The following MYO3B variants were observed in gnomAD, a reference collection of about 807,000 sequenced individuals.
MYO3B encodes myosin-IIIb.
A neutral mutation model predicts 174.6 loss-of-function variants in MYO3B; 156 were observed. That is an observed-to-expected ratio of 0.89 (90% CI 0.78 to 1.02). The LOEUF (loss-of-function observed/expected upper bound fraction) is 1.02, where lower values mean the gene tolerates loss of function less well. MYO3B is among the 50% of genes least tolerant of loss of function. MYO3B has a pLI of 0.00. For missense variants in MYO3B, 1,632 were observed against 1,639.4 expected, an observed-to-expected ratio of 1.00 and a Z score of 0.08; for synonymous variants, 563 against 569.1, an observed-to-expected ratio of 0.99 and a Z score of 0.15.
intron 32 of MYO3B, among the ~76,000 whole-genome samples, chr2:170,565,682 C>T (rs192038521): frequency 1.8e-4 from 27 of 152,204 alleles, no homozygotes; most frequent in Non-Finnish European, 2.9e-5. Flanking sequence ...TTCTGTTTGT[C>T]TTTTTTTATA....
intron 18 of MYO3B, among the ~76,000 whole-genome samples, chr2:170,402,301 C>T (rs1174644724): frequency 2.0e-5 from 3 of 152,130 alleles, no homozygotes; most frequent in Non-Finnish European, 2.9e-5. Flanking sequence ...AGTTTTCTCA[C>T]CTGTAAAATG....
intron 17 of MYO3B, among the ~76,000 whole-genome samples, chr2:170,400,973 A>C (rs533911550): frequency 1.6e-4 from 25 of 152,222 alleles, no homozygotes; most frequent in African/African-American, 5.8e-4. Flanking sequence ...AAGATACAGG[A>C]GGTTGGGCCC....
chr2:170,455,110 T>C (rs1299854665), intron 23 of MYO3B, among the ~76,000 whole-genome samples: 2 of 152,192 alleles, frequency 1.3e-5, no homozygotes, highest in Non-Finnish European at 2.9e-5. Context: ...AAATTTAGAA[T>C]CTTGCAGTCT....
intron 7 of MYO3B, among the ~76,000 whole-genome samples, chr2:170,239,855 A>T (rs926551957): frequency 2.6e-5 from 4 of 152,186 alleles, no homozygotes; most frequent in African/African-American, 9.6e-5. Context: ...AGCAACAGAC[A>T]TTTATTCTCT....
chr2:170,494,224 G>A (rs555714970), intron 25 of MYO3B, among the ~76,000 whole-genome samples: 4 of 151,448 alleles, frequency 2.6e-5, no homozygotes, highest in African/African-American at 9.8e-5. Context: ...TGCTTTGCCT[G>A]TTACATTTAA....
intron 25 of MYO3B, among the ~76,000 whole-genome samples, chr2:170,470,429 C>T (rs991535817): frequency 1.3e-5 from 2 of 151,968 alleles, no homozygotes; most frequent in South Asian, 2.1e-4. Context: ...GTACTATGTA[C>T]CAGTATGTTA....
intron 23 of MYO3B, among the ~76,000 whole-genome samples, chr2:170,454,304 T>C (rs1683784030): frequency 6.6e-6 from 1 of 152,128 alleles, no homozygotes; most frequent in Non-Finnish European, 1.5e-5. Flanking sequence ...GAGGAGGTGT[T>C]GGCAGCTCCT....
In MYO3B at chr2:170,594,349, G is replaced by A. The variant is rs531742221; in HGVS notation, c.3733+50361G>A. Reference sequence around the variant, plus strand: ...ATGGCGAAGCTAGGGAGAAGAGAGCGGAGATGAGAGATGAGGAGAGGAGAG... The same window carrying A: ...ATGGCGAAGCTAGGGAGAAGAGAGCAGAGATGAGAGATGAGGAGAGGAGAG... On this transcript the variant is annotated intron_variant, in intron 32 of 34. Transcript: ENST00000408978. 6.6e-5 allele frequency among the ~76,000 whole-genome samples: 10 copies of A among 152,258 alleles called. No individual in the cohort carries two copies. In the South Asian group the frequency reaches 1.5e-3, roughly 22 times the overall value.
chr2:170,420,666 C>T (rs1478543130), intron 22 of MYO3B, among the ~76,000 whole-genome samples: 1 of 152,194 alleles, frequency 6.6e-6, no homozygotes. Flanking sequence ...CAATTCAGCA[C>T]ATTGGTCTAG....
intron 30 of MYO3B, among the ~76,000 whole-genome samples, chr2:170,528,459 G>A (rs1434505352): frequency 6.6e-6 from 1 of 152,140 alleles, no homozygotes; most frequent in Non-Finnish European, 1.5e-5. Flanking sequence ...AGACCGGAGT[G>A]CAGTGGCGCA....
chr2:170,459,688 C>G (rs895263199), intron 23 of MYO3B, among the ~76,000 whole-genome samples: 2 of 152,012 alleles, frequency 1.3e-5, no homozygotes, highest in Admixed American at 6.5e-5. Flanking sequence ...GGGTGGTGCC[C>G]GTCGAGGAGG....
At chr2:170,572,438 A>G (rs1025846775) in intron 32 of MYO3B, among the ~76,000 whole-genome samples, 1 of 151,628 alleles carries the variant, frequency 6.6e-6, no homozygotes, top group African/African-American at 2.4e-5. Context: ...AAAAAAAAAA[A>G]AACCCATCTC....
At chr2:170,260,109 A>G (rs939444370) in intron 7 of MYO3B, among the ~76,000 whole-genome samples, 2 of 152,222 alleles carry the variant, frequency 1.3e-5, no homozygotes, top group Non-Finnish European at 2.9e-5. Flanking sequence ...ATGCTCATAC[A>G]CTATTGATGG....
At chr2:170,376,399 G>A (rs1381945960) in intron 9 of MYO3B, among the ~76,000 whole-genome samples, 2 of 152,162 alleles carry the variant, frequency 1.3e-5, no homozygotes, top group Admixed American at 1.3e-4. Context: ...AGATTTAGAA[G>A]AAATATTCAA....
chr2:170,621,589 A>C (rs1417889045), intron 32 of MYO3B, among the ~76,000 whole-genome samples: 1 of 150,918 alleles, frequency 6.6e-6, no homozygotes, highest in Non-Finnish European at 1.5e-5. Context: ...GGCTCAGTGC[A>C]ACCTCCGCCT....
At chr2:170,291,110 A>G (rs2093592811) in intron 7 of MYO3B, among the ~76,000 whole-genome samples, 1 of 152,022 alleles carries the variant, frequency 6.6e-6, no homozygotes, top group Non-Finnish European at 1.5e-5. Context: ...TTAGCCAGGC[A>G]TGGTGATGGG....
chr2:170,578,093 C>T (rs1486777627), intron 32 of MYO3B, among the ~76,000 whole-genome samples: 1 of 152,144 alleles, frequency 6.6e-6, no homozygotes, highest in Non-Finnish European at 1.5e-5. Context: ...AACAAACATA[C>T]CTGCTTATGT....
chr2:170,595,596 G>A (rs1355911835), intron 32 of MYO3B, among the ~76,000 whole-genome samples: 2 of 151,950 alleles, frequency 1.3e-5, no homozygotes, highest in Non-Finnish European at 2.9e-5. Flanking sequence ...GCACCACCAC[G>A]ACTGGCTAAT....
intron 16 of MYO3B, among the ~76,000 whole-genome samples, chr2:170,398,686 A>G (rs2094455660): frequency 6.6e-6 from 1 of 152,112 alleles, no homozygotes; most frequent in African/African-American, 2.4e-5. Flanking sequence ...ACTCACTTTC[A>G]AGGGTTTTAG....
Sources: allele counts gnomAD v4.1 joint callset (sites outside exome capture counted in the v4.1 genomes callset), GRCh38; gene constraint gnomAD v4.1.1; transcripts MANE v1.5; gene names NCBI Gene and HGNC (gene_info 2026-07-23, HGNC 2026-07-21).